Variants in TCF3 observed in about 807,000 individuals in gnomAD.
The protein encoded by TCF3 is transcription factor 3.
TCF3 carries 54 observed loss-of-function variants against 72.3 expected under a neutral mutation model. The ratio of observed to expected loss-of-function variants is 0.75; its 90% CI spans 0.60 to 0.94. The LOEUF (loss-of-function observed/expected upper bound fraction) is 0.94. Among genes scored for constraint, TCF3 ranks in the 40% least tolerant of loss-of-function variants. TCF3 has a pLI of 0.00. For synonymous variants in TCF3, 525 were observed against 412.6 expected (o/e 1.27, Z -3.30); for missense variants, 1,078 against 934.4 (o/e 1.15, Z -2.00).
At chr19:1,611,926 A>ATAT in intron 18 of TCF3, 77 bp from the exon 19 acceptor site, 1 of 103,002 alleles carries the variant, frequency 9.7e-6, no homozygotes, top group Non-Finnish European at 1.7e-5. Context: ...GGGGGGTAGG[A>ATAT]TGTCGGGGGG....
intron 6 of TCF3, among the ~76,000 whole-genome samples, chr19:1,626,562 T>C (rs1164644786): frequency 1.3e-5 from 2 of 151,980 alleles, no homozygotes; most frequent in East Asian, 3.9e-4. Context: ...GCCCGCACCC[T>C]GTGTGGCCAC....
rs35004196 is a variant in TCF3 at position 1,609,484 on chromosome 19, C to CT, written c.*2222_*2223insA. Reference sequence around the variant, plus strand: ...CACTCAGATCACACCCCCCACCCCCCATAATTGTGGTTCCCAGGAACTGCT... The same window carrying CT: ...CACTCAGATCACACCCCCCACCCCCCTATAATTGTGGTTCCCAGGAACTGCT... On this transcript the variant is annotated 3_prime_UTR_variant, in exon 19 of 19. Coordinates refer to ENST00000262965, the MANE Select transcript of TCF3 (RefSeq NM_003200.5). 2,340 of 215,450 alleles carry CT rather than the reference C, an allele frequency of 0.011. 66 individuals carry two copies. The highest frequency in any genetic ancestry group is 0.05 in the African/African-American group (2,214 of 44,102). 13.3% of individuals were successfully genotyped at this position (215,450 alleles called of 1,614,324 possible). A position where few individuals can be genotyped will look rare whatever the true frequency, so the allele number is the denominator to read the frequency against.
intron 2 of TCF3, among the ~76,000 whole-genome samples, chr19:1,649,023 T>C (rs1201251931): frequency 6.6e-6 from 1 of 152,226 alleles, no homozygotes; most frequent in Non-Finnish European, 1.5e-5. Flanking sequence ...CTGCCTGAAC[T>C]GTGTGACTTC....
At chr19:1,646,202 G>A (rs998441325) in intron 3 of TCF3, among the ~76,000 whole-genome samples, 153 bp downstream of exon 3, 5 of 152,190 alleles carry the variant, frequency 3.3e-5, no homozygotes, top group African/African-American at 4.8e-5. Flanking sequence ...GATTTCAGGG[G>A]TCTTCAGGCT....
chr19:1,632,142 A>G, intron 4 of TCF3, 26 bp from the exon 5 acceptor site: 1 of 1,608,290 alleles, frequency 6.2e-7, no homozygotes. Flanking sequence ...TGGGGATGAG[A>G]GGTGCTGGGG....
In TCF3 at chr19:1,650,181, C is replaced by T; in HGVS notation, c.68G>A (p.Ser23Asn). The change falls in exon 2 of 19, where the codon AGC (serine) becomes AAC (asparagine). Residue 23 changes from serine (S) to asparagine (N), a missense_variant. Physicochemically the swap from Ser to Asn is conservative, Grantham distance 46. Transcript: ENST00000262965. ...DKELSDLLDF[S>N]MMFPLPVTNG... The stretch of plus-strand genomic sequence containing the variant: ...TGGGCGGGGGTCCTGGCTCACCATG[C>T]TGAAGTCCAGGAGGTCACTGAGCTC... 1 of 1,569,256 alleles carries T rather than the reference C, an allele frequency of 6.4e-7. No individual in the cohort carries two copies. The highest frequency in any genetic ancestry group is 1.2e-5 in the South Asian group (1 of 85,358).
intron 3 of TCF3, among the ~76,000 whole-genome samples, chr19:1,644,396 AG>A (rs35271613): frequency 0.21 from 31,476 of 151,990 alleles, 3,393 homozygotes; most frequent in East Asian, 0.26. Flanking sequence ...CTGAACGGGG[AG>A]GGGGTCACCC....
Position 1,637,968 on chromosome 19 carries a change from T to A in TCF3, c.146-5563A>T, listed in dbSNP as rs150509927. ...GGAACCCAACATGGAACAAAAAGGA[T>A]GAAGTTCAAGAAGTTCAATGATTTA... On this transcript the variant is annotated intron_variant, in intron 3 of 18. Transcript: ENST00000262965. 2.5e-3 allele frequency among the ~76,000 whole-genome samples: 381 copies of A among 151,508 alleles called. 4 individuals are homozygous for A. The highest frequency in any genetic ancestry group is 8.8e-3 in the African/African-American group (363 of 41,338).
chr19:1,624,822 C>T (rs1568390388), intron 7 of TCF3, among the ~76,000 whole-genome samples: 2 of 152,252 alleles, frequency 1.3e-5, no homozygotes, highest in South Asian at 2.1e-4. Flanking sequence ...CGATCTTTTA[C>T]GTTTTTGTGC....
intron 3 of TCF3, among the ~76,000 whole-genome samples, chr19:1,643,546 CT>C (rs1358651122): frequency 6.7e-6 from 1 of 150,230 alleles, no homozygotes; most frequent in Non-Finnish European, 1.5e-5. Flanking sequence ...GAGTTGGGGT[CT>C]CTCAGTCACC....
chr19:1,643,998 G>A (rs2065702488), intron 3 of TCF3, among the ~76,000 whole-genome samples: 1 of 152,196 alleles, frequency 6.6e-6, no homozygotes, highest in South Asian at 2.1e-4. Flanking sequence ...CCGCCTGGAA[G>A]GAAGCTGCAC....
intron 5 of TCF3, 115 bp from the exon 6 acceptor site, chr19:1,627,541 C>T (rs367805907): frequency 1.9e-4 from 177 of 925,690 alleles, no homozygotes; most frequent in East Asian, 1.4e-3. Context: ...CGACTGAGAG[C>T]GCCACGGCAG....
At chr19:1,637,464 G>A (rs1179343235) in intron 3 of TCF3, among the ~76,000 whole-genome samples, 1 of 152,206 alleles carries the variant, frequency 6.6e-6, no homozygotes, top group Non-Finnish European at 1.5e-5. Context: ...CAGATGTTAA[G>A]TAACAACTCA....
intron 8 of TCF3, among the ~76,000 whole-genome samples, 158 bp from the exon 9 acceptor site, chr19:1,622,573 G>A (rs185033597): frequency 1.3e-5 from 2 of 152,092 alleles, no homozygotes; most frequent in East Asian, 3.9e-4. Context: ...CCAGCCCCTG[G>A]CCAAGTTTGA....
At chr19:1,624,661 G>A (rs926370886) in intron 7 of TCF3, among the ~76,000 whole-genome samples, 1 of 152,142 alleles carries the variant, frequency 6.6e-6, no homozygotes, top group Non-Finnish European at 1.5e-5. Flanking sequence ...TCCGTAACCC[G>A]GAAACCAGCA....
intron 1 of TCF3, among the ~76,000 whole-genome samples, chr19:1,651,966 G>T (rs1222301583): frequency 4.6e-5 from 7 of 150,862 alleles, no homozygotes; most frequent in African/African-American, 1.7e-4. Flanking sequence ...CCGTGCGCCC[G>T]GGCTGGGGGG....
intron 3 of TCF3, among the ~76,000 whole-genome samples, chr19:1,639,373 G>C (rs983569907): frequency 6.6e-6 from 1 of 152,106 alleles, no homozygotes; most frequent in Admixed American, 6.6e-5. Flanking sequence ...TGTTGACAAT[G>C]GCTCGACCCA....
At chr19:1,622,022 GCCCACCC>G in intron 10 of TCF3, 25 bp downstream of exon 10, 1 of 859,142 alleles carries the variant, frequency 1.2e-6, no homozygotes, top group Non-Finnish European at 1.8e-6. Flanking sequence ...GCCACCCTCC[GCCCACCC>G]CCTGCCCCCT....
chr19:1,624,127 G>A, intron 7 of TCF3, 127 bp from the exon 8 acceptor site: 1 of 873,646 alleles, frequency 1.1e-6, no homozygotes. Context: ...GCTGGGTGCG[G>A]TGCCTCATGC....
Sources: gnomAD v4.1 joint callset for allele counts (sites outside exome capture counted in the v4.1 genomes callset) on GRCh38, gnomAD v4.1.1 for gene constraint, MANE v1.5 for transcripts, NCBI Gene and HGNC (gene_info 2026-07-23, HGNC 2026-07-21) for gene names.